TNFAIP8: variants seen among roughly 807,000 people sequenced by gnomAD.
TNFAIP8 encodes the protein TNF alpha induced protein 8.
In TNFAIP8, 7 loss-of-function variants were observed where a neutral mutation model predicts 13.3. The observed-to-expected ratio is 0.52, with a 90% CI of 0.30 to 0.99. TNFAIP8 has a LOEUF of 0.99. TNFAIP8 is among the 50% of genes least tolerant of loss of function. TNFAIP8 has a pLI of 0.07. For missense variants in TNFAIP8, 258 were observed against 236.9 expected (o/e 1.09, Z -0.58); for synonymous variants, 94 against 87.6 (o/e 1.07, Z -0.41).
intron 1 of TNFAIP8, among the ~76,000 whole-genome samples, chr5:119,375,960 G>A (rs780861360): frequency 1.3e-5 from 2 of 152,114 alleles, no homozygotes; most frequent in Non-Finnish European, 2.9e-5. Flanking sequence ...TTTTCAAAGT[G>A]TGGGTTATTC....
At chr5:119,345,689 G>C (rs1750874348) in intron 1 of TNFAIP8, among the ~76,000 whole-genome samples, 1 of 152,188 alleles carries the variant, frequency 6.6e-6, no homozygotes, top group Non-Finnish European at 1.5e-5. Context: ...AATGGTGGTT[G>C]CCAGGGGCTG....
intron 1 of TNFAIP8, among the ~76,000 whole-genome samples, chr5:119,294,262 G>T (rs1489612786): frequency 1.5e-5 from 2 of 135,994 alleles, no homozygotes; most frequent in Non-Finnish European, 3.0e-5. Context: ...TGTTCTCATT[G>T]TTCAATTCCC....
rs397963876 is a variant in TNFAIP8, at chr5:119,394,611, A to ATTTTTTTTTTTTTTTTTTTTTTTTTTT, written c.*1249_*1250insTTTTTTTTTTTTTTTTTTTTTTTTTTT. 7.4e-4 allele frequency: 85 copies of ATTTTTTTTTTTTTTTTTTTTTTTTTTT among 114,684 alleles called. 1 individual carries two copies. The highest frequency in any genetic ancestry group is 1.0e-3 in the African/African-American group (25 of 24,796). 7.1% of individuals were successfully genotyped at this position (114,684 alleles called of 1,614,324 possible). A position where few individuals can be genotyped will look rare whatever the true frequency, so the allele number is the denominator to read the frequency against. On this transcript the variant is annotated 3_prime_UTR_variant, in exon 2 of 2. Transcript: ENST00000504771. ...CATTTCCATTGTCACTGTGTCTATGATTTTTTTTTTTTTTTTTTTGAGTCT... is the reference window on the plus strand; with the variant it reads ...CATTTCCATTGTCACTGTGTCTATGATTTTTTTTTTTTTTTTTTTTTTTTTTTTTTTTTTTTTTTTTTTTTTGAGTCT...
intron 1 of TNFAIP8, among the ~76,000 whole-genome samples, chr5:119,368,712 A>G (rs1233557500): frequency 6.6e-6 from 1 of 152,228 alleles, no homozygotes; most frequent in African/African-American, 2.4e-5. Context: ...AGGTAAAGTC[A>G]ATAATGATTC....
chr5:119,324,162 C>T (rs1465367021), intron 1 of TNFAIP8, among the ~76,000 whole-genome samples: 1 of 151,454 alleles, frequency 6.6e-6, no homozygotes, highest in Non-Finnish European at 1.5e-5. Context: ...ATAATCCCAG[C>T]TACTCGAGAG....
chr5:119,273,891 G>A (rs556213489), intron 1 of TNFAIP8, among the ~76,000 whole-genome samples: 22 of 152,280 alleles, frequency 1.4e-4, no homozygotes, highest in Non-Finnish European at 8.8e-5. Flanking sequence ...GAGCCAAAAA[G>A]TAAGCAACAG....
At chr5:119,316,525 G>T (rs1369217856) in intron 1 of TNFAIP8, among the ~76,000 whole-genome samples, 1 of 152,152 alleles carries the variant, frequency 6.6e-6, no homozygotes, top group South Asian at 2.1e-4. Flanking sequence ...AGACCCTAGT[G>T]TGGAGAGATA....
chr5:119,391,361 C>A (rs1426505096), intron 1 of TNFAIP8: 1 of 700,974 alleles, frequency 1.4e-6, no homozygotes, highest in Non-Finnish European at 2.6e-6. Flanking sequence ...TTTCTGATAC[C>A]CAGGCCTAGG....
chr5:119,351,484 A>AC (rs1751141490), upstream of TNFAIP8, among the ~76,000 whole-genome samples: 1 of 152,220 alleles, frequency 6.6e-6, no homozygotes, highest in East Asian at 1.9e-4. Flanking sequence ...TGTACTAGAT[A>AC]ATTTAGCCTA....
At chr5:119,360,599 AT>A (rs1562018773) in intron 1 of TNFAIP8, among the ~76,000 whole-genome samples, 1 of 152,214 alleles carries the variant, frequency 6.6e-6, no homozygotes, top group Non-Finnish European at 1.5e-5. Flanking sequence ...TGACCTCTTC[AT>A]TTTAGAGGTG....
chr5:119,337,245 T>A (rs1581616226), intron 1 of TNFAIP8, among the ~76,000 whole-genome samples: 1 of 152,376 alleles, frequency 6.6e-6, no homozygotes, highest in African/African-American at 2.4e-5. Context: ...CATCATATCT[T>A]GCACTTGCAT....
In TNFAIP8 at chr5:119,279,978, A is replaced by G. The variant is rs150881774; in HGVS notation, c.1+11071A>G. Reference sequence around the variant, plus strand: ...ACTTTTCCACCTAGCACTGAGAGACACGTTGCAATTTTTTCCGTCAGTTGG... The same window carrying G: ...ACTTTTCCACCTAGCACTGAGAGACGCGTTGCAATTTTTTCCGTCAGTTGG... On this transcript the variant is annotated intron_variant, in intron 1 of 1. Transcript: ENST00000274456. Among the ~76,000 whole-genome samples, 509 of 152,278 alleles carry G rather than the reference A, an allele frequency of 3.3e-3. 2 individuals carry two copies. Among genetic ancestry groups the G allele is most frequent in the Middle Eastern group, 6.8e-3 (2 of 294 alleles).
At chr5:119,376,522 T>G (rs1050565385) in intron 1 of TNFAIP8, among the ~76,000 whole-genome samples, 6 of 152,190 alleles carry the variant, frequency 3.9e-5, no homozygotes, top group African/African-American at 1.4e-4. Context: ...TAGCCTCTTA[T>G]TTCGGTTGTT....
At chr5:119,270,784 T>C (rs1748269682) in intron 1 of TNFAIP8, among the ~76,000 whole-genome samples, 1 of 152,244 alleles carries the variant, frequency 6.6e-6, no homozygotes. Context: ...TTGACATATG[T>C]AGACTTTATA....
At chr5:119,309,051 G>A (rs1749653764) in intron 1 of TNFAIP8, among the ~76,000 whole-genome samples, 1 of 152,170 alleles carries the variant, frequency 6.6e-6, no homozygotes, top group African/African-American at 2.4e-5. Flanking sequence ...GGCATTGAAG[G>A]AGACAGTTAT....
chr5:119,361,507 G>A (rs940439982), intron 1 of TNFAIP8, among the ~76,000 whole-genome samples: 2 of 152,154 alleles, frequency 1.3e-5, no homozygotes, highest in Non-Finnish European at 2.9e-5. Context: ...CTCCAGCTTT[G>A]TAGTGAATAA....
At chr5:119,324,923 G>A (rs753016325) in intron 1 of TNFAIP8, among the ~76,000 whole-genome samples, 3 of 151,966 alleles carry the variant, frequency 2.0e-5, no homozygotes, top group Non-Finnish European at 2.9e-5. Context: ...TTAATACTCT[G>A]CAAGATCGGT....
chr5:119,323,460 G>A (rs1360123613), intron 1 of TNFAIP8, among the ~76,000 whole-genome samples: 4 of 152,086 alleles, frequency 2.6e-5, no homozygotes, highest in Admixed American at 1.3e-4. Flanking sequence ...GCACAGTAAG[G>A]CCTCAATAAA....
intron 1 of TNFAIP8, among the ~76,000 whole-genome samples, chr5:119,374,985 T>C (rs115257526): frequency 3.6e-3 from 554 of 152,280 alleles, no homozygotes; most frequent in Non-Finnish European, 5.7e-3. Context: ...ACATTGTGAA[T>C]ATAGTAAAAA....
Sources: allele counts gnomAD v4.1 joint callset (sites outside exome capture counted in the v4.1 genomes callset), GRCh38; gene constraint gnomAD v4.1.1; transcripts MANE v1.5; gene names NCBI Gene and HGNC (gene_info 2026-07-23, HGNC 2026-07-21).